The following ADPGK variants were observed in gnomAD, a reference collection of about 807,000 sequenced individuals.
ADPGK encodes the protein ADP dependent glucokinase.
Under a neutral mutation model 42.4 loss-of-function variants are expected in ADPGK, and 26 were observed. That is an observed-to-expected ratio of 0.61 (90% CI 0.45 to 0.85). ADPGK has a LOEUF of 0.85. Ranked by LOEUF, ADPGK falls within the 40% of genes least tolerant of loss-of-function variation. ADPGK has a pLI of 0.00. For missense variants in ADPGK, 571 were observed against 627.0 expected (o/e 0.91, Z 0.95); for synonymous variants, 267 against 252.6 (o/e 1.06, Z -0.54).
intron 1 of ADPGK, among the ~76,000 whole-genome samples, chr15:72,776,721 T>A (rs763133346): frequency 9.2e-5 from 14 of 152,146 alleles, no homozygotes; most frequent in Non-Finnish European, 1.6e-4. Flanking sequence ...GGAAGAGACA[T>A]CCTCCCTCAA....
At chr15:72,774,728 C>T (rs770514613) in intron 2 of ADPGK, 144 bp downstream of exon 2, 3 of 668,278 alleles carry the variant, frequency 4.5e-6, no homozygotes, top group Non-Finnish European at 7.6e-6. Flanking sequence ...GAACCATCAA[C>T]CTAGACCCAC....
rs141303576 is a variant in ADPGK, at chr15:72,759,673, T to C, written c.643+734A>G. Among the ~76,000 whole-genome samples, 1,455 of 152,090 alleles carry C rather than the reference T, an allele frequency of 9.6e-3. 10 individuals carry two copies. Among genetic ancestry groups the C allele is most frequent in the Middle Eastern group, 0.017 (5 of 294 alleles). On this transcript the variant is annotated intron_variant, in intron 4 of 6. Transcript: ENST00000456471. ...ATTAGTCTGTTTAGATGCTTGAGTCTTTAATGTGTATTAACAATGTGTTGA... is the reference window on the plus strand; with the variant it reads ...ATTAGTCTGTTTAGATGCTTGAGTCCTTAATGTGTATTAACAATGTGTTGA...
At position 72,783,526 on chromosome 15, in the gene ADPGK, G is replaced by C. The variant is rs933111393; in HGVS notation, c.166C>G (p.Arg56Gly). Reference protein sequence around the residue: ...APPGPVSPEGRLAAAWDALIV... With the variant: ...APPGPVSPEGGLAAAWDALIV... The stretch of plus-strand genomic sequence containing the variant: ...AGCGCGTCCCAGGCTGCCGCCAACC[G>C]GCCCTCGGGGGAGACGGGTCCCGGG... The change falls in exon 1 of 7, where the codon CGG becomes GGG. Residue 56 changes from arginine to glycine, a missense_variant. Physicochemically the swap from Arg to Gly is moderately radical, Grantham distance 125. Around this residue, in one of 2 missense-constraint regions of ADPGK, gnomAD observed 137 missense variants for 104.2 expected, o/e 1.31. Coordinates refer to ENST00000456471, the MANE Select transcript of ADPGK (RefSeq NM_001365225.1). 1.8e-5 allele frequency: 26 copies of C among 1,477,920 alleles called. No homozygotes were observed. The highest frequency in any genetic ancestry group is 2.3e-5 in the Non-Finnish European group (26 of 1,121,472). The allele number at this position is 1,477,920 out of a possible 1,614,324, so 91.6% of individuals were successfully genotyped here.
At chr15:72,778,300 A>G (rs761079783) in intron 1 of ADPGK, among the ~76,000 whole-genome samples, 1 of 152,170 alleles carries the variant, frequency 6.6e-6, no homozygotes, top group Non-Finnish European at 1.5e-5. Flanking sequence ...AGTACTTTAC[A>G]TGTACTTTCT....
chr15:72,758,184 T>C, intron 4 of ADPGK: 1 of 1,520,452 alleles, frequency 6.6e-7, no homozygotes, highest in South Asian at 1.1e-5. Context: ...TCCAGCATAT[T>C]CATGGCCCCG....
At chr15:72,768,036 T>TG (rs2066280686) in intron 3 of ADPGK, among the ~76,000 whole-genome samples, 1 of 151,432 alleles carries the variant, frequency 6.6e-6, no homozygotes. Flanking sequence ...GCCAAGCTGA[T>TG]CAGGAAAAAA....
chr15:72,783,655 G>A lies in ADPGK; in HGVS notation c.37C>T (p.Leu13=), dbSNP rs776241352. ...LWRGSAYAGF[L]ALAVGCVFLL... Reference sequence around the variant, plus strand: ...AAGACGCAGCCCACGGCCAGCGCCAGGAAGCCCGCGTACGCGGAGCCGCGC... The same window carrying A: ...AAGACGCAGCCCACGGCCAGCGCCAAGAAGCCCGCGTACGCGGAGCCGCGC... Residue 13 remains leucine (L), a synonymous_variant, in exon 1 of 7, where the codon CTG becomes TTG. Coordinates refer to ENST00000456471, the MANE Select transcript of ADPGK (RefSeq NM_001365225.1). 8 of 1,508,232 alleles carry A rather than the reference G, an allele frequency of 5.3e-6. No individual in the cohort carries two copies. The highest frequency in any genetic ancestry group is 2.7e-5 in the East Asian group (1 of 37,342). The allele number at this position is 1,508,232 out of a possible 1,614,324, so 93.4% of individuals were successfully genotyped here. A position where few individuals can be genotyped will look rare whatever the true frequency, so the allele number is the denominator to read the frequency against.
chr15:72,766,194 T>C (rs769670572), intron 3 of ADPGK, among the ~76,000 whole-genome samples: 2 of 152,130 alleles, frequency 1.3e-5, no homozygotes, highest in Non-Finnish European at 2.9e-5. Context: ...TCTCGCTATG[T>C]TGCCCAGGCT....
At chr15:72,779,530 C>T (rs2066431343) in intron 1 of ADPGK, among the ~76,000 whole-genome samples, 1 of 152,112 alleles carries the variant, frequency 6.6e-6, no homozygotes, top group Non-Finnish European at 1.5e-5. Context: ...CAGGCGTGAG[C>T]CACCATGCCT....
chr15:72,774,081 A>C (rs1457444865), intron 2 of ADPGK, among the ~76,000 whole-genome samples: 1 of 152,140 alleles, frequency 6.6e-6, no homozygotes, highest in African/African-American at 2.4e-5. Context: ...GGGCTCAAGC[A>C]ATCCACCTGC....
At chr15:72,776,402 C>T (rs2066393293) in intron 1 of ADPGK, among the ~76,000 whole-genome samples, 2 of 152,144 alleles carry the variant, frequency 1.3e-5, no homozygotes, top group African/African-American at 4.8e-5. Context: ...CTGAGACCAC[C>T]CCTAGTGATA....
intron 1 of ADPGK, among the ~76,000 whole-genome samples, chr15:72,778,213 C>T (rs1282161583): frequency 1.3e-5 from 2 of 152,198 alleles, no homozygotes; most frequent in African/African-American, 4.8e-5. Flanking sequence ...GGCACCACTG[C>T]TCTTCAGCCT....
intron 3 of ADPGK, among the ~76,000 whole-genome samples, chr15:72,767,161 T>G (rs2066270786): frequency 6.6e-6 from 1 of 152,140 alleles, no homozygotes; most frequent in Non-Finnish European, 1.5e-5. Flanking sequence ...CAAAATAGAT[T>G]TCAGAGCAAA....
At chr15:72,782,545 AAAAC>A (rs1189284166) in intron 1 of ADPGK, among the ~76,000 whole-genome samples, 3 of 151,000 alleles carry the variant, frequency 2.0e-5, no homozygotes, top group Non-Finnish European at 4.4e-5. Flanking sequence ...AAAAAAAAAA[AAAAC>A]CCCAAAATTA....
chr15:72,783,575 C>T lies in ADPGK; in HGVS notation c.117G>A (p.Leu39=). 2.0e-6 allele frequency: 3 copies of T among 1,512,084 alleles called. No homozygotes were observed. The highest frequency in any genetic ancestry group is 2.6e-6 in the Non-Finnish European group (3 of 1,138,244). 93.7% of individuals were successfully genotyped at this position (1,512,084 alleles called of 1,614,324 possible). Residue 39 remains leucine, a synonymous_variant, in exon 1 of 7, where the codon CTG becomes CTA. Transcript: ENST00000456471. ...GSALRSLWSS[L]CLGPAPAPPG... is the part of the protein sequence containing the mutation. Reference sequence around the variant, plus strand: ...GGGGCGCAGGCGCGGGCCCCAGACACAGCGAGCTCCAGAGAGAGCGCAGCG... The same window carrying T: ...GGGGCGCAGGCGCGGGCCCCAGACATAGCGAGCTCCAGAGAGAGCGCAGCG...
rs530113949 is a variant in ADPGK, at chr15:72,754,622, A to G, written c.939+934T>C. Among the ~76,000 whole-genome samples, 4 of 152,330 alleles carry G rather than the reference A, an allele frequency of 2.6e-5. No homozygotes were observed. The East Asian group carries it at 7.7e-4, about 29-fold the overall frequency. On this transcript the variant is annotated intron_variant, in intron 6 of 6. Transcript: ENST00000456471. ...TCACTGCAGCACTGTGTGTAACAGCAAAGGGCAGTAAATAACCAATATGTC... is the reference window on the plus strand; with the variant it reads ...TCACTGCAGCACTGTGTGTAACAGCGAAGGGCAGTAAATAACCAATATGTC...
intron 2 of ADPGK, among the ~76,000 whole-genome samples, chr15:72,773,086 C>T (rs1410801293): frequency 7.3e-5 from 11 of 151,160 alleles, no homozygotes; most frequent in Non-Finnish European, 1.6e-4. Context: ...ACATAAAATA[C>T]ACTAACAATA....
intron 3 of ADPGK, among the ~76,000 whole-genome samples, chr15:72,765,794 C>G (rs528368110): frequency 6.6e-6 from 1 of 152,220 alleles, no homozygotes; most frequent in Non-Finnish European, 1.5e-5. Context: ...CATGATAAAA[C>G]TTGAATGGAT....
intron 1 of ADPGK, 88 bp from the exon 2 acceptor site, chr15:72,775,185 C>T (rs780695884): frequency 2.6e-6 from 3 of 1,147,088 alleles, no homozygotes; most frequent in Admixed American, 2.1e-5. Flanking sequence ...TTCTCAGAAC[C>T]TTATTCAACA....
Sources: gnomAD v4.1 joint callset for allele counts (sites outside exome capture counted in the v4.1 genomes callset) on GRCh38, gnomAD v4.1.1 for gene constraint, gnomAD v4.1.1 regional missense constraint, MANE v1.5 for transcripts, NCBI Gene and HGNC (gene_info 2026-07-23, HGNC 2026-07-21) for gene names.